DDHD1: variants seen among roughly 807,000 people sequenced by gnomAD.
DDHD1 encodes the protein DDHD domain containing 1.
A neutral mutation model predicts 96.4 loss-of-function variants in DDHD1; 49 were observed. The observed-to-expected ratio is 0.51, with a 90% confidence interval of 0.40 to 0.64. DDHD1 has a LOEUF of 0.64. Ranked by LOEUF, DDHD1 falls within the 30% of genes least tolerant of loss-of-function variation. DDHD1 has a pLI of 0.00. For missense variants in DDHD1, 1,106 were observed against 1,161.2 expected, an observed-to-expected ratio of 0.95 and a Z score of 0.69; for synonymous variants, 442 against 446.5, an observed-to-expected ratio of 0.99 and a Z score of 0.13.
intron 4 of DDHD1, among the ~76,000 whole-genome samples, chr14:53,083,157 A>AT (rs67581961): frequency 0.72 from 109,029 of 151,746 alleles, 42,362 homozygotes; most frequent in East Asian, 0.96. Flanking sequence ...TTATTCTCCC[A>AT]TTTTTTTTCT....
chr14:53,136,645 G>C (rs1419487370), intron 1 of DDHD1, among the ~76,000 whole-genome samples: 1 of 152,306 alleles, frequency 6.6e-6, no homozygotes, highest in East Asian at 1.9e-4. Flanking sequence ...GCAATAAATA[G>C]TTCATGTTCC....
In DDHD1 at chr14:53,113,631, C is replaced by T. The variant is rs534819022; in HGVS notation, c.839-9775G>A. Among the ~76,000 whole-genome samples the T allele has an allele frequency of 7.2e-5, 11 of 152,210 alleles. No homozygotes were observed. The East Asian group carries it at 9.7e-4, about 13-fold the overall frequency. ...CGTCACTTCCACTTCACCTGGGAAG[C>T]GCAAGGAGCCAGGGGACCTCCCTCC... On this transcript the variant is annotated intron_variant, in intron 1 of 12. Transcript: ENST00000673822.
At chr14:53,144,328 T>C (rs143534249) in intron 1 of DDHD1, among the ~76,000 whole-genome samples, 1 of 152,360 alleles carries the variant, frequency 6.6e-6, no homozygotes, top group Non-Finnish European at 1.5e-5. Flanking sequence ...AAGGCAAGTA[T>C]CTTTTCCTAA....
At chr14:53,070,937 C>A (rs560009355) in intron 6 of DDHD1, among the ~76,000 whole-genome samples, 51 of 152,232 alleles carry the variant, frequency 3.4e-4, no homozygotes, top group African/African-American at 1.2e-3. Context: ...ACCCTTCTTT[C>A]TCTTATGAAA....
chr14:53,047,085 T>C (rs557333632), intron 12 of DDHD1, 136 bp from the exon 13 acceptor site: 48 of 609,974 alleles, frequency 7.9e-5, no homozygotes, highest in Non-Finnish European at 1.1e-4. Flanking sequence ...GACTTTCCAT[T>C]ATCATCTTAA....
At chr14:53,085,162 G>A (rs1022079629) in intron 4 of DDHD1, among the ~76,000 whole-genome samples, 3 of 152,206 alleles carry the variant, frequency 2.0e-5, no homozygotes, top group Admixed American at 6.5e-5. Flanking sequence ...AATGAGGCCC[G>A]CACGCCTCTG....
chr14:53,080,670 TA>T (rs1885383414), intron 4 of DDHD1, among the ~76,000 whole-genome samples: 2 of 150,772 alleles, frequency 1.3e-5, no homozygotes, highest in African/African-American at 4.9e-5. Flanking sequence ...AACTCTCCTT[TA>T]AAAAAATCCC....
At chr14:53,117,657 A>T (rs1188967216) in intron 1 of DDHD1, among the ~76,000 whole-genome samples, 2 of 152,206 alleles carry the variant, frequency 1.3e-5, no homozygotes, top group Non-Finnish European at 2.9e-5. Flanking sequence ...CAGGAAGCAC[A>T]AACTGGGCAG....
chr14:53,135,000 G>A (rs536693810), intron 1 of DDHD1, among the ~76,000 whole-genome samples: 12 of 151,926 alleles, frequency 7.9e-5, no homozygotes, highest in Admixed American at 5.2e-4. Context: ...CCCTAATTCC[G>A]CTCGAAGCAG....
At chr14:53,088,616 A>C (rs1025846619) in intron 4 of DDHD1, among the ~76,000 whole-genome samples, 1 of 152,246 alleles carries the variant, frequency 6.6e-6, no homozygotes, top group African/African-American at 2.4e-5. Context: ...GACAAAATTC[A>C]ACAGCACTTC....
At chr14:53,123,915 C>CA (rs1461302028) in intron 1 of DDHD1, among the ~76,000 whole-genome samples, 1 of 151,984 alleles carries the variant, frequency 6.6e-6, no homozygotes, top group Admixed American at 6.6e-5. Flanking sequence ...AATAAGCTGA[C>CA]AATACTCAGA....
chr14:53,058,930 G>A (rs1883296185), intron 8 of DDHD1, among the ~76,000 whole-genome samples: 2 of 152,144 alleles, frequency 1.3e-5, no homozygotes, highest in South Asian at 4.1e-4. Flanking sequence ...TTTGTGTGAA[G>A]TAATACACTC....
At chr14:53,139,180 G>C (rs1415189859) in intron 1 of DDHD1, among the ~76,000 whole-genome samples, 1 of 151,908 alleles carries the variant, frequency 6.6e-6, no homozygotes, top group Admixed American at 6.6e-5. Context: ...TTCATGGCTG[G>C]GGTCCGGCAG....
In DDHD1 at chr14:53,083,639, G is replaced by A. The variant is rs139608125; in HGVS notation, c.1289+8146C>T. ...TTAAAGAAATCCTCAGAGAACAAAA[G>A]GCTGTCAAATCAATCACAAGTACAC... On this transcript the variant is annotated intron_variant, in intron 4 of 12. Transcript: ENST00000673822. Among the ~76,000 whole-genome samples the A allele has an allele frequency of 6.6e-5, 10 of 152,288 alleles. No homozygotes were observed. The East Asian group carries it at 1.9e-3, about 29-fold the overall frequency.
chr14:53,105,274 T>G (rs1292718987), intron 1 of DDHD1, among the ~76,000 whole-genome samples: 4 of 152,020 alleles, frequency 2.6e-5, no homozygotes, highest in Non-Finnish European at 4.4e-5. Context: ...CATTTCCCAT[T>G]AAAAGAAACC....
At chr14:53,151,692 C>G (rs1302449731) in intron 1 of DDHD1, among the ~76,000 whole-genome samples, 3 of 152,226 alleles carry the variant, frequency 2.0e-5, no homozygotes, top group Non-Finnish European at 4.4e-5. Context: ...CAGTATTCCA[C>G]CGAGGGAGCG....
chr14:53,139,832 C>T (rs1671402569), intron 1 of DDHD1, among the ~76,000 whole-genome samples: 1 of 125,096 alleles, frequency 8.0e-6, no homozygotes, highest in African/African-American at 3.0e-5. Context: ...CAACACACTG[C>T]CAAGAGACCA....
At chr14:53,060,577 C>T (rs1300299126) in intron 8 of DDHD1, among the ~76,000 whole-genome samples, 1 of 152,168 alleles carries the variant, frequency 6.6e-6, no homozygotes, top group African/African-American at 2.4e-5. Context: ...TACTCATATA[C>T]TTCCTCTGAT....
intron 3 of DDHD1, 46 bp downstream of exon 3, chr14:53,093,266 AAGTC>A (rs753549872): frequency 9.0e-6 from 14 of 1,558,902 alleles, no homozygotes; most frequent in Middle Eastern, 2.3e-4. Flanking sequence ...ATATGAGAGA[AAGTC>A]AGATTCCCAA....
Sources: gnomAD v4.1 joint callset for allele counts (sites outside exome capture counted in the v4.1 genomes callset) on GRCh38, gnomAD v4.1.1 for gene constraint, MANE v1.5 for transcripts, NCBI Gene and HGNC (gene_info 2026-07-23, HGNC 2026-07-21) for gene names.